Variants in ANKS1B observed in about 807,000 individuals in gnomAD.
ANKS1B encodes the protein ankyrin repeat and sterile alpha motif domain-containing protein 1B.
Under a neutral mutation model 148.3 loss-of-function variants are expected in ANKS1B, and 36 were observed. The ratio of observed to expected loss-of-function variants is 0.24; its 90% confidence interval spans 0.19 to 0.32. ANKS1B has a LOEUF of 0.32. Ranked by LOEUF, ANKS1B falls within the 10% of genes least tolerant of loss-of-function variation. The pLI, the probability that ANKS1B is intolerant of heterozygous loss-of-function variation, is 1.00. For synonymous variants in ANKS1B, 542 were observed against 560.8 expected (o/e 0.97, Z 0.47); for missense variants, 1,157 against 1,542.6 (o/e 0.75, Z 4.19).
intron 1 of ANKS1B, among the ~76,000 whole-genome samples, chr12:99,906,141 G>T (rs985985280): frequency 6.6e-6 from 1 of 152,172 alleles, no homozygotes; most frequent in African/African-American, 2.4e-5. Flanking sequence ...AAATTCTTAG[G>T]AGTAGACCAG....
At chr12:99,931,700 C>G (rs888415783) in intron 1 of ANKS1B, among the ~76,000 whole-genome samples, 2 of 152,072 alleles carry the variant, frequency 1.3e-5, no homozygotes, top group African/African-American at 4.8e-5. Flanking sequence ...AATTTTGATA[C>G]AGAAATACAG....
Position 99,584,415 on chromosome 12 carries a change from C to A in ANKS1B, c.1272+70652G>T, listed in dbSNP as rs372770324. ...AGGAGTTTGAGATGAGCCTGGTCAA[C>A]ATGGTGAAACTCCGTCTCAATGAAA... On this transcript the variant is annotated intron_variant, in intron 9 of 26. Transcript: ENST00000683438. Among the ~76,000 whole-genome samples the A allele has an allele frequency of 3.0e-4, 45 of 152,104 alleles. 1 individual carries two copies. The Middle Eastern group carries it at 0.01, about 34-fold the overall frequency.
intron 1 of ANKS1B, among the ~76,000 whole-genome samples, chr12:99,947,253 T>TAAAAA (rs749502014): frequency 2.4e-5 from 1 of 41,388 alleles, no homozygotes. Context: ...CATAAAGTAA[T>TAAAAA]ACAAAAAAAA....
At chr12:98,982,462 C>G (rs1597998169) in intron 17 of ANKS1B, among the ~76,000 whole-genome samples, 1 of 152,154 alleles carries the variant, frequency 6.6e-6, no homozygotes, top group African/African-American at 2.4e-5. Flanking sequence ...CTGGGTACCC[C>G]CTCCTGATCC....
In ANKS1B at chr12:99,254,728, A is replaced by G. The variant is rs148697507; in HGVS notation, c.1757-7864T>C. Among the ~76,000 whole-genome samples, 315 of 152,266 alleles carry G rather than the reference A, an allele frequency of 2.1e-3. 2 individuals are homozygous for G. Among genetic ancestry groups the G allele is most frequent in the African/African-American group, 7.3e-3 (304 of 41,556 alleles). ...CTGAGAATTTTAATTGTGACTAGATATTGAGTTTATAAAGAATGTTTTTCT... is the reference window on the plus strand; with the variant it reads ...CTGAGAATTTTAATTGTGACTAGATGTTGAGTTTATAAAGAATGTTTTTCT... On this transcript the variant is annotated intron_variant, in intron 12 of 26. Transcript: ENST00000683438.
chr12:99,675,341 TAGA>T (rs1409755982), intron 8 of ANKS1B, among the ~76,000 whole-genome samples: 2 of 152,024 alleles, frequency 1.3e-5, no homozygotes, highest in African/African-American at 4.8e-5. Context: ...TTAAATAAAT[TAGA>T]GTATATCTAT....
At chr12:99,159,449 G>T (rs574863314) in intron 14 of ANKS1B, among the ~76,000 whole-genome samples, 103 of 151,942 alleles carry the variant, frequency 6.8e-4, no homozygotes, top group Non-Finnish European at 1.2e-3. Flanking sequence ...CCAATATTTA[G>T]CTCCCACTTA....
intron 24 of ANKS1B, among the ~76,000 whole-genome samples, chr12:98,774,545 T>TTCTTA (rs1186361781): frequency 3.9e-5 from 6 of 152,252 alleles, no homozygotes; most frequent in Admixed American, 3.9e-4. Context: ...TGCAATCATT[T>TTCTTA]TCTTATCTTA....
chr12:99,094,478 C>T (rs1357540073), intron 15 of ANKS1B, among the ~76,000 whole-genome samples: 1 of 151,974 alleles, frequency 6.6e-6, no homozygotes, highest in Non-Finnish European at 1.5e-5. Context: ...CAATGGAGTT[C>T]TAAAATAAAA....
chr12:99,724,953 T>C (rs2058472044), intron 8 of ANKS1B, among the ~76,000 whole-genome samples: 1 of 152,054 alleles, frequency 6.6e-6, no homozygotes, highest in Middle Eastern at 3.2e-3. Flanking sequence ...GACAAGCAAA[T>C]ACTGAGGGAT....
chr12:99,562,012 A>G (rs7959464), intron 9 of ANKS1B, among the ~76,000 whole-genome samples: 2,346 of 152,342 alleles, frequency 0.015, 58 homozygotes, highest in African/African-American at 0.052. Context: ...TCCTTGATCC[A>G]CGGGCTTGCA....
At chr12:99,436,722 C>T (rs2095467187) in intron 11 of ANKS1B, among the ~76,000 whole-genome samples, 1 of 151,990 alleles carries the variant, frequency 6.6e-6, no homozygotes, top group Non-Finnish European at 1.5e-5. Flanking sequence ...ATTAATCATA[C>T]ACAGGTCCAG....
chr12:99,751,124 T>A (rs1478028326), intron 8 of ANKS1B, among the ~76,000 whole-genome samples: 2 of 132,710 alleles, frequency 1.5e-5, no homozygotes, highest in Non-Finnish European at 3.2e-5. Context: ...TTTTTGAAAT[T>A]TATTTCTTTG....
At chr12:99,858,853 C>T (rs1337714198) in intron 1 of ANKS1B, among the ~76,000 whole-genome samples, 1 of 151,948 alleles carries the variant, frequency 6.6e-6, no homozygotes, top group Non-Finnish European at 1.5e-5. Flanking sequence ...AAGAATGATA[C>T]AATGGACTTT....
chr12:99,077,068 C>CA (rs995966670), intron 16 of ANKS1B, among the ~76,000 whole-genome samples: 7 of 151,746 alleles, frequency 4.6e-5, no homozygotes, highest in Non-Finnish European at 5.9e-5. Flanking sequence ...AAAAGCAAAA[C>CA]AAAAAAAACC....
At chr12:99,811,765 A>G (rs1163191364) in intron 3 of ANKS1B, among the ~76,000 whole-genome samples, 3 of 151,916 alleles carry the variant, frequency 2.0e-5, no homozygotes, top group Admixed American at 1.3e-4. Context: ...GTAAATGGTA[A>G]AGCATTATGC....
chr12:99,179,322 G>A (rs896830049), intron 14 of ANKS1B, among the ~76,000 whole-genome samples: 3 of 150,716 alleles, frequency 2.0e-5, no homozygotes, highest in Non-Finnish European at 2.9e-5. Context: ...CCAGCTACTT[G>A]GGAGGCTGAG....
intron 1 of ANKS1B, among the ~76,000 whole-genome samples, chr12:99,957,792 A>G (rs2095346310): frequency 6.6e-6 from 1 of 152,218 alleles, no homozygotes; most frequent in South Asian, 2.1e-4. Flanking sequence ...TCAGTCAACA[A>G]TTAGTCTCAA....
intron 17 of ANKS1B, among the ~76,000 whole-genome samples, chr12:98,919,935 T>C (rs2099799226): frequency 6.6e-6 from 1 of 152,140 alleles, no homozygotes; most frequent in Non-Finnish European, 1.5e-5. Context: ...ACTTCAGGAA[T>C]TGGGGAAAAC....
Sources: allele counts gnomAD v4.1 joint callset (sites outside exome capture counted in the v4.1 genomes callset), GRCh38; gene constraint gnomAD v4.1.1; transcripts MANE v1.5; gene names NCBI Gene and HGNC (gene_info 2026-07-23, HGNC 2026-07-21).